Variants in AVEN observed in about 807,000 individuals in gnomAD.
AVEN encodes cell death regulator Aven.
A neutral mutation model predicts 38.1 loss-of-function variants in AVEN; 41 were observed. The observed-to-expected ratio is 1.08, with a 90% CI of 0.84 to 1.40. The LOEUF is 1.40. AVEN is among the 40% of genes most tolerant of loss of function. The pLI is 0.00. For missense variants in AVEN, 605 were observed against 438.8 expected (o/e 1.38, Z -3.38); for synonymous variants, 206 against 171.8 (o/e 1.20, Z -1.56).
intron 5 of AVEN, 93 bp from the exon 6 acceptor site, chr15:33,866,821 G>A (rs1206079852): frequency 3.5e-6 from 3 of 858,046 alleles, no homozygotes. Context: ...TACAACAAGG[G>A]GAAACATTCT....
chr15:33,852,773 A>G, the AVEN span: 1 of 366,068 alleles, frequency 2.7e-6, no homozygotes, highest in South Asian at 3.3e-5. Context: ...CTAATCTGTC[A>G]TCACAATTCT....
At chr15:33,896,654 A>T (rs1038502962) in intron 2 of AVEN, among the ~76,000 whole-genome samples, 14 of 152,230 alleles carry the variant, frequency 9.2e-5, no homozygotes, top group African/African-American at 2.4e-4. Flanking sequence ...AATTTTTAAC[A>T]ATCAACTCTG....
chr15:33,919,549 C>G (rs1045632589), intron 2 of AVEN, among the ~76,000 whole-genome samples: 3 of 152,166 alleles, frequency 2.0e-5, no homozygotes, highest in African/African-American at 7.2e-5. Context: ...CCCCAAATCT[C>G]AGTGGAATAT....
intron 5 of AVEN, among the ~76,000 whole-genome samples, chr15:34,053,709 C>A (rs1374486637): frequency 6.6e-6 from 1 of 151,900 alleles, no homozygotes; most frequent in African/African-American, 2.4e-5. Flanking sequence ...AATGTAAAAC[C>A]CAAAACTATA....
rs1488040427 is a variant in AVEN at position 33,873,335 on chromosome 15, G to A, written c.517-2305C>T. Among the ~76,000 whole-genome samples the A allele has an allele frequency of 2.0e-5, 3 of 150,310 alleles. No individual in the cohort carries two copies. In the East Asian group the frequency reaches 5.9e-4, roughly 29 times the overall value. ...GGCTGGTCTCGAACTCCTGACCTCA[G>A]GTAATCTGCCCACCTCGGCCTCCCA... is the stretch of plus-strand genomic sequence containing the variant. On this transcript the variant is annotated intron_variant, in intron 3 of 5. Transcript: ENST00000306730.
Position 33,909,851 on chromosome 15 carries a change from G to A in AVEN, c.446-33856C>T, listed in dbSNP as rs192132363. On this transcript the variant is annotated intron_variant, in intron 2 of 5. Transcript: ENST00000306730. ...TAAGCATTAAAAACATTTGCTGGCC[G>A]GGCACGGTGGCTCATGTCTGTAATC... 3.9e-4 allele frequency among the ~76,000 whole-genome samples: 60 copies of A among 152,072 alleles called. No individual in the cohort carries two copies. The East Asian group carries it at 8.9e-3, about 23-fold the overall frequency.
rs1039159418 is a variant in AVEN at position 33,870,959 on chromosome 15, G to A, written c.588C>T (p.Leu196=). Residue 196 remains leucine, a synonymous_variant, in exon 4 of 6, where the codon CTC becomes CTT. Coordinates refer to ENST00000306730, the MANE Select transcript of AVEN (RefSeq NM_020371.3). The part of the protein sequence containing the change: ...ALQELPLCLR[L]NVAAELVQGT... ...CCTGGACCAGTTCGGCAGCAACGTTGAGTCGGAGGCAGAGAGGCAGCTCTT... is the reference window on the plus strand; with the variant it reads ...CCTGGACCAGTTCGGCAGCAACGTTAAGTCGGAGGCAGAGAGGCAGCTCTT... The A allele has an allele frequency of 1.9e-6, 3 of 1,611,278 alleles. No individual in the cohort carries two copies. The highest frequency in any genetic ancestry group is 2.2e-5 in the South Asian group (2 of 90,708).
intron 2 of AVEN, among the ~76,000 whole-genome samples, chr15:33,918,927 T>TTG (rs1308576311): frequency 1.3e-5 from 2 of 150,850 alleles, no homozygotes; most frequent in South Asian, 2.1e-4. Flanking sequence ...CTTTTCTGTT[T>TTG]TTTTTTTTTT....
chr15:34,003,664 A>C (rs1156739210), intron 1 of AVEN, among the ~76,000 whole-genome samples: 1 of 152,218 alleles, frequency 6.6e-6, no homozygotes, highest in Non-Finnish European at 1.5e-5. Context: ...ACATTATTTA[A>C]AACTATTTAA....
intron 2 of AVEN, among the ~76,000 whole-genome samples, chr15:33,916,594 A>G (rs903286885): frequency 3.3e-5 from 5 of 152,184 alleles, no homozygotes; most frequent in African/African-American, 1.2e-4. Flanking sequence ...AAAATGCTCA[A>G]CATCACTAAT....
At chr15:33,885,344 C>G (rs1042219127) in intron 2 of AVEN, among the ~76,000 whole-genome samples, 4 of 152,104 alleles carry the variant, frequency 2.6e-5, no homozygotes, top group African/African-American at 9.7e-5. Context: ...CAGATCAATC[C>G]AGGGAAAATC....
chr15:33,913,150 A>G (rs551594475), intron 2 of AVEN, among the ~76,000 whole-genome samples: 3 of 152,262 alleles, frequency 2.0e-5, no homozygotes, highest in African/African-American at 7.2e-5. Flanking sequence ...CGGCCTCCCA[A>G]AGTGTAGGGA....
upstream of AVEN, among the ~76,000 whole-genome samples, chr15:34,075,318 A>G (rs957114467): frequency 2.0e-5 from 3 of 152,166 alleles, no homozygotes; most frequent in African/African-American, 7.2e-5. Flanking sequence ...GGAAGTAAAC[A>G]TGTACTTCTT....
chr15:34,063,404 C>T lies in AVEN; in HGVS notation n.1155G>A. The stretch of plus-strand genomic sequence containing the variant: ...AGAAGCGAACCAAGGACCTGGCTGA[C>T]CTCCAGGGTTCTGACTCTGTGACCA... On this transcript the variant is annotated non_coding_transcript_exon_variant, in exon 5 of 12. Transcript: ENST00000675287. The surrounding 1 kb of genome is among the most constrained non-coding windows in gnomAD (Gnocchi z 4.1). The T allele has an allele frequency of 6.2e-7, 1 of 1,614,032 alleles. No homozygotes were observed. The highest frequency in any genetic ancestry group is 1.1e-5 in the South Asian group (1 of 91,086).
downstream of AVEN, chr15:33,861,327 G>GTCTCTCCCATGTGTGATAGACGTGT (rs1888123296): frequency 1.7e-6 from 1 of 574,824 alleles, no homozygotes; most frequent in South Asian, 2.0e-5. Flanking sequence ...CATAGACTCT[G>GTCTCTCCCATGTGTGATAGACGTGT]TCTCTCCCAT....
In AVEN at chr15:34,003,212, G is replaced by T; in HGVS notation, c.268-3C>A. On this transcript the variant is annotated splice_polypyrimidine_tract_variant and splice_region_variant and intron_variant, in intron 1 of 5. Coordinates refer to ENST00000306730, the MANE Select transcript of AVEN (RefSeq NM_020371.3). Reference sequence around the variant, plus strand: ...TCTGCATCGCTGTCATCTTCAACCTGCAATCATTAGAGACAAATCAATAAG... The same window carrying T: ...TCTGCATCGCTGTCATCTTCAACCTTCAATCATTAGAGACAAATCAATAAG... The T allele has an allele frequency of 1.2e-6, 2 of 1,612,348 alleles. No homozygotes were observed. Among genetic ancestry groups the T allele is most frequent in the South Asian group, 2.2e-5 (2 of 90,896 alleles).
intron 5 of AVEN, among the ~76,000 whole-genome samples, chr15:34,046,255 C>T (rs1899675697): frequency 6.6e-6 from 1 of 151,654 alleles, no homozygotes; most frequent in Admixed American, 6.6e-5. Context: ...AGCCGTGGAA[C>T]CTACCTTATG....
rs532114260 is a variant in AVEN, at chr15:34,070,959, G to T, written n.721-308C>A. 2.6e-5 allele frequency among the ~76,000 whole-genome samples: 4 copies of T among 152,214 alleles called. No individual in the cohort carries two copies. The South Asian group carries it at 8.3e-4, about 32-fold the overall frequency. ...AAGCCAAGGTCTAACTCTGCTCACTGGGCTTGACTACCACCCTGTGTTAGT... is the reference window on the plus strand; with the variant it reads ...AAGCCAAGGTCTAACTCTGCTCACTTGGCTTGACTACCACCCTGTGTTAGT... On this transcript the variant is annotated intron_variant and non_coding_transcript_variant, in intron 1 of 11. Coordinates refer to the AVEN transcript ENST00000675287.
At chr15:33,916,843 C>T (rs1893157083) in intron 2 of AVEN, among the ~76,000 whole-genome samples, 2 of 151,972 alleles carry the variant, frequency 1.3e-5, no homozygotes, top group African/African-American at 4.8e-5. Flanking sequence ...TTAATTGACT[C>T]ACAGTTCCAT....
Sources: allele counts gnomAD v4.1 joint callset (sites outside exome capture counted in the v4.1 genomes callset), GRCh38; gene constraint gnomAD v4.1.1; non-coding constraint Gnocchi (gnomAD v3.1); transcripts MANE v1.5; gene names NCBI Gene and HGNC (gene_info 2026-07-23, HGNC 2026-07-21).